Variants in CBLB observed in about 807,000 individuals in gnomAD.
The protein encoded by CBLB is Cbl proto-oncogene B, also known as E3 ubiquitin-protein ligase CBL-B.
CBLB carries 31 observed loss-of-function variants against 104.9 expected under a neutral mutation model. The observed-to-expected ratio is 0.30, with a 90% confidence interval of 0.22 to 0.40. The LOEUF (loss-of-function observed/expected upper bound fraction) is 0.40, where lower values mean the gene tolerates loss of function less well. Among genes scored for constraint, CBLB ranks in the 10% least tolerant of loss-of-function variants. The pLI is 1.00. For missense variants in CBLB, 1,062 were observed against 1,214.6 expected (o/e 0.87, Z 1.87); for synonymous variants, 440 against 422.6 (o/e 1.04, Z -0.51).
At chr3:105,795,804 C>T (rs998561668) in intron 3 of CBLB, among the ~76,000 whole-genome samples, 22 of 152,044 alleles carry the variant, frequency 1.4e-4, no homozygotes, top group East Asian at 1.9e-4. Flanking sequence ...AGTGCAGTGG[C>T]GCCATCTCGG....
chr3:105,681,010 A>G (rs1007473985), intron 16 of CBLB: 1 of 165,506 alleles, frequency 6.0e-6, no homozygotes, highest in African/African-American at 2.4e-5. Flanking sequence ...AATGTGTTAC[A>G]GTTGTAATGA....
chr3:105,687,193 A>T (rs779708720), intron 13 of CBLB, among the ~76,000 whole-genome samples: 1 of 152,140 alleles, frequency 6.6e-6, no homozygotes, highest in African/African-American at 2.4e-5. Context: ...TCAAGCATAC[A>T]CTATGTAAAA....
intron 10 of CBLB, among the ~76,000 whole-genome samples, chr3:105,707,821 AAAG>A (rs1348786815): frequency 1.3e-5 from 2 of 152,100 alleles, no homozygotes; most frequent in Non-Finnish European, 2.9e-5. Flanking sequence ...AGCTCACTTT[AAAG>A]AATAAAAAGT....
intron 3 of CBLB, 145 bp from the exon 4 acceptor site, chr3:105,776,687 T>C (rs1577091083): frequency 1.4e-6 from 1 of 711,890 alleles, no homozygotes; most frequent in East Asian, 2.7e-5. Flanking sequence ...CTCAACTTAA[T>C]GCTGCCCTTA....
At chr3:105,841,295 CAAAAAA>C (rs370002853) in intron 3 of CBLB, among the ~76,000 whole-genome samples, 9 of 124,036 alleles carry the variant, frequency 7.3e-5, no homozygotes, top group East Asian at 2.5e-4. Context: ...GACTTCATTT[CAAAAAA>C]AAAAAAAAAG....
chr3:105,690,711 A>G (rs1320216311), intron 13 of CBLB, among the ~76,000 whole-genome samples: 1 of 151,926 alleles, frequency 6.6e-6, no homozygotes, highest in Non-Finnish European at 1.5e-5. Flanking sequence ...AGTCCCAGCT[A>G]CTTGAAAGGC....
intron 3 of CBLB, among the ~76,000 whole-genome samples, chr3:105,844,668 G>A (rs567414525): frequency 3.9e-5 from 6 of 152,204 alleles, no homozygotes; most frequent in Non-Finnish European, 5.9e-5. Flanking sequence ...TTTAGAAAAC[G>A]GAATGGTTAT....
At chr3:105,668,378 T>C (rs1054003291) in intron 18 of CBLB, among the ~76,000 whole-genome samples, 1 of 152,176 alleles carries the variant, frequency 6.6e-6, no homozygotes, top group African/African-American at 2.4e-5. Context: ...GTAAAGAAGC[T>C]GTGAAAACAC....
intron 4 of CBLB, among the ~76,000 whole-genome samples, chr3:105,769,233 G>A (rs886339852): frequency 4.6e-5 from 7 of 152,004 alleles, no homozygotes; most frequent in Non-Finnish European, 8.8e-5. Context: ...AGGGAGAATC[G>A]CTTGAACCCA....
chr3:105,741,616 C>T (rs950886972), intron 6 of CBLB, among the ~76,000 whole-genome samples: 129 of 152,134 alleles, frequency 8.5e-4, no homozygotes, highest in Non-Finnish European at 9.6e-4. Context: ...AGGATGGTCT[C>T]GATCTCCTGA....
chr3:105,668,493 CAA>C (rs1335091893), intron 18 of CBLB, among the ~76,000 whole-genome samples: 1 of 152,062 alleles, frequency 6.6e-6, no homozygotes, highest in African/African-American at 2.4e-5. Context: ...GCACTTTGCT[CAA>C]AGTTATATTT....
chr3:105,822,667 T>G (rs1299371140), intron 3 of CBLB, among the ~76,000 whole-genome samples: 1 of 152,222 alleles, frequency 6.6e-6, no homozygotes, highest in East Asian at 1.9e-4. Flanking sequence ...TCTACTACTC[T>G]TAGTACCCAA....
intron 3 of CBLB, among the ~76,000 whole-genome samples, chr3:105,820,799 T>C (rs62263169): frequency 0.069 from 10,482 of 152,110 alleles, 527 homozygotes; most frequent in Admixed American, 0.15. Flanking sequence ...AGGAAATAAA[T>C]AGAACTATTA....
chr3:105,728,024 G>A (rs949376485), intron 9 of CBLB, among the ~76,000 whole-genome samples: 6 of 152,050 alleles, frequency 3.9e-5, no homozygotes, highest in Non-Finnish European at 8.8e-5. Flanking sequence ...TTGGTTATAC[G>A]AGCTCTTTTT....
At position 105,747,922 on chromosome 3, in the gene CBLB, T is replaced by C. The variant is rs533886075; in HGVS notation, c.724-1884A>G. Among the ~76,000 whole-genome samples, 7 of 152,314 alleles carry C rather than the reference T, an allele frequency of 4.6e-5. No homozygotes were observed. In the South Asian group the frequency reaches 1.4e-3, roughly 32 times the overall value. ...CAACTGCTACAGTATTCAGCAACCA[T>C]TTCTTAGTACATAATCCAGAGGGCC... On this transcript the variant is annotated intron_variant, in intron 5 of 18. Transcript: ENST00000394030.
chr3:105,681,523 A>G lies in CBLB; in HGVS notation c.2384T>C (p.Leu795Pro). The G allele has an allele frequency of 6.2e-7, 1 of 1,614,152 alleles. No individual in the cohort carries two copies. The change falls in exon 16 of 19, where the codon CTC becomes CCC. Residue 795 changes from leucine to proline, a missense_variant. By Grantham distance (98) the Leu-to-Pro change is moderately conservative. Around this residue, in one of 2 missense-constraint regions of CBLB, gnomAD observed 605 missense variants for 582.6 expected, o/e 1.04. Transcript: ENST00000394030. ...TRDNPKHGSS[L>P]NRTPSDYDLL... Reference sequence around the variant, plus strand: ...ATCATAATCAGAGGGCGTCCTGTTGAGTGAAGAACCATGCTTTGGATTGTC... The same window carrying G: ...ATCATAATCAGAGGGCGTCCTGTTGGGTGAAGAACCATGCTTTGGATTGTC...
chr3:105,863,069 A>G (rs552366893), intron 2 of CBLB, among the ~76,000 whole-genome samples: 3 of 152,356 alleles, frequency 2.0e-5, no homozygotes, highest in Admixed American at 6.5e-5. Context: ...AGCACCTTCT[A>G]AAAAGAAGAA....
chr3:105,722,971 G>C (rs893408147), intron 9 of CBLB, among the ~76,000 whole-genome samples: 2 of 152,090 alleles, frequency 1.3e-5, no homozygotes, highest in African/African-American at 4.8e-5. Flanking sequence ...CTTCAGCTTT[G>C]TTGTTGAGAG....
chr3:105,857,868 A>G (rs886587353), intron 2 of CBLB, among the ~76,000 whole-genome samples: 17 of 152,204 alleles, frequency 1.1e-4, no homozygotes, highest in Non-Finnish European at 2.2e-4. Context: ...ATTTAGTGCT[A>G]TGATGGAGGC....
Sources: allele counts gnomAD v4.1 joint callset (sites outside exome capture counted in the v4.1 genomes callset), GRCh38; gene constraint gnomAD v4.1.1; regional missense constraint gnomAD v4.1.1; transcripts MANE v1.5; gene names NCBI Gene and HGNC (gene_info 2026-07-23, HGNC 2026-07-21).